LHFPL3: variants seen among roughly 807,000 people sequenced by gnomAD.
LHFPL3 encodes the protein LHFPL tetraspan subfamily member 3.
In LHFPL3, 5 loss-of-function variants were observed where a neutral mutation model predicts 19.3. The observed-to-expected ratio is 0.26, with a 90% CI of 0.14 to 0.54. The LOEUF (loss-of-function observed/expected upper bound fraction) is 0.54. Among genes scored for constraint, LHFPL3 ranks in the 20% least tolerant of loss-of-function variants. The pLI is 0.94. For synonymous variants in LHFPL3, 133 were observed against 126.2 expected, an observed-to-expected ratio of 1.05 and a Z score of -0.36; for missense variants, 249 against 307.4, an observed-to-expected ratio of 0.81 and a Z score of 1.42.
chr7:104,721,209 T>TA (rs549198911), intron 1 of LHFPL3, among the ~76,000 whole-genome samples: 56 of 152,100 alleles, frequency 3.7e-4, no homozygotes, highest in African/African-American at 1.3e-3. Context: ...TATGCAGCCA[T>TA]AAAAAAGGAT....
chr7:104,840,649 C>T (rs910690679), intron 2 of LHFPL3, among the ~76,000 whole-genome samples: 5 of 151,580 alleles, frequency 3.3e-5, no homozygotes, highest in African/African-American at 1.2e-4. Flanking sequence ...TATTGCTACC[C>T]TCCCCCCACT....
chr7:104,692,437 A>T (rs1792921866), intron 1 of LHFPL3, among the ~76,000 whole-genome samples: 1 of 152,206 alleles, frequency 6.6e-6, no homozygotes. Context: ...CCTAAGAGGA[A>T]ATAATTGTTT....
rs141372417 is a variant in LHFPL3 at position 104,546,414 on chromosome 7, C to T, written c.446-190261C>T. ...AGACTCCTTGCCAACTATTTATTAACCACACATTGTGTAGTGAAGGTTCAT... is the reference window on the plus strand; with the variant it reads ...AGACTCCTTGCCAACTATTTATTAATCACACATTGTGTAGTGAAGGTTCAT... On this transcript the variant is annotated intron_variant, in intron 1 of 2. Coordinates refer to ENST00000424859, the MANE Select transcript of LHFPL3 (RefSeq NM_199000.3). 7.0e-3 allele frequency among the ~76,000 whole-genome samples: 1,060 copies of T among 152,228 alleles called. 27 individuals are homozygous for T. Among genetic ancestry groups the T allele is most frequent in the Admixed American group, 0.047 (718 of 15,278 alleles).
chr7:104,347,723 C>G (rs1790097080), intron 1 of LHFPL3, among the ~76,000 whole-genome samples: 1 of 152,100 alleles, frequency 6.6e-6, no homozygotes, highest in Non-Finnish European at 1.5e-5. Flanking sequence ...GAAACCCCAT[C>G]TCTACTAAAA....
intron 1 of LHFPL3, among the ~76,000 whole-genome samples, chr7:104,474,510 A>C (rs887526788): frequency 4.6e-5 from 7 of 151,992 alleles, no homozygotes; most frequent in Admixed American, 3.9e-4. Flanking sequence ...TAAAAATACA[A>C]AATAAAATTA....
intron 2 of LHFPL3, among the ~76,000 whole-genome samples, chr7:104,752,967 T>G (rs1794205197): frequency 6.6e-6 from 1 of 152,218 alleles, no homozygotes; most frequent in Admixed American, 6.5e-5. Flanking sequence ...ATTGACACAT[T>G]ATTATCAACC....
At chr7:104,817,458 AAAC>A (rs1344914806) in intron 2 of LHFPL3, among the ~76,000 whole-genome samples, 1 of 152,174 alleles carries the variant, frequency 6.6e-6, no homozygotes, top group Non-Finnish European at 1.5e-5. Context: ...CCACATCTTT[AAAC>A]AACCTTCCCC....
chr7:104,676,189 A>G lies in LHFPL3; in HGVS notation c.446-60486A>G, dbSNP rs549743023. Among the ~76,000 whole-genome samples the G allele has an allele frequency of 3.3e-5, 5 of 152,334 alleles. 1 individual carries two copies. Among genetic ancestry groups the G allele is most frequent in the African/African-American group, 1.2e-4 (5 of 41,580 alleles). ...CCATTGCTTTTATGCTCACCTAGCT[A>G]TTGATGCTTATAAAATATTCTCCAT... On this transcript the variant is annotated intron_variant, in intron 1 of 2. Transcript: ENST00000424859.
chr7:104,353,658 T>C (rs1376249951), intron 1 of LHFPL3, among the ~76,000 whole-genome samples: 1 of 152,232 alleles, frequency 6.6e-6, no homozygotes, highest in African/African-American at 2.4e-5. Flanking sequence ...TAGTGCCTAA[T>C]AGGGCGGGAA....
chr7:104,336,504 A>G (rs200818434), intron 1 of LHFPL3, among the ~76,000 whole-genome samples: 1 of 30,820 alleles, frequency 3.2e-5, no homozygotes, highest in East Asian at 7.4e-3. Flanking sequence ...TTTTTTGCTT[A>G]AAAAAAAAAA....
intron 1 of LHFPL3, among the ~76,000 whole-genome samples, chr7:104,660,087 C>T (rs552891848): frequency 3.4e-4 from 51 of 152,058 alleles, no homozygotes; most frequent in Middle Eastern, 3.4e-3. Flanking sequence ...CTGCAACCTC[C>T]GCCTCCCAGG....
intron 1 of LHFPL3, among the ~76,000 whole-genome samples, chr7:104,443,400 C>T (rs1792264916): frequency 6.6e-6 from 1 of 152,154 alleles, no homozygotes; most frequent in African/African-American, 2.4e-5. Flanking sequence ...TCTGTATTCT[C>T]CTGTGAGCTC....
intron 2 of LHFPL3, among the ~76,000 whole-genome samples, chr7:104,881,715 C>T (rs1792060891): frequency 6.6e-6 from 1 of 152,146 alleles, no homozygotes; most frequent in Non-Finnish European, 1.5e-5. Flanking sequence ...GACGCACTTC[C>T]ATTTTGAAAG....
chr7:104,501,867 A>C (rs886133787), intron 1 of LHFPL3, among the ~76,000 whole-genome samples: 1 of 152,218 alleles, frequency 6.6e-6, no homozygotes, highest in East Asian at 1.9e-4. Context: ...AGCATAGCTG[A>C]TTTGGTGATT....
intron 1 of LHFPL3, among the ~76,000 whole-genome samples, chr7:104,401,917 AAT>A (rs1361182407): frequency 1.3e-5 from 2 of 152,198 alleles, no homozygotes; most frequent in Non-Finnish European, 1.5e-5. Flanking sequence ...GAACAATGGA[AAT>A]AATTCTTGAA....
At chr7:104,889,633 C>G (rs1283529503) in intron 2 of LHFPL3, among the ~76,000 whole-genome samples, 1 of 152,112 alleles carries the variant, frequency 6.6e-6, no homozygotes, top group African/African-American at 2.4e-5. Context: ...GAGCAAGACT[C>G]TGTCTCAGAA....
chr7:104,332,828 C>T (rs1244370447), intron 1 of LHFPL3, among the ~76,000 whole-genome samples: 3 of 151,854 alleles, frequency 2.0e-5, no homozygotes, highest in Admixed American at 6.6e-5. Context: ...GGATGTCATC[C>T]TGTATGTACA....
intron 1 of LHFPL3, among the ~76,000 whole-genome samples, chr7:104,682,315 C>T (rs1281630043): frequency 6.6e-6 from 1 of 152,184 alleles, no homozygotes; most frequent in Non-Finnish European, 1.5e-5. Context: ...AAGGTGTCAT[C>T]CCAGGTTTCA....
At chr7:104,524,016 A>T (rs935023643) in intron 1 of LHFPL3, among the ~76,000 whole-genome samples, 4 of 152,060 alleles carry the variant, frequency 2.6e-5, no homozygotes. Context: ...GATTTATATC[A>T]ATTAATATAA....
Sources: allele counts gnomAD v4.1 joint callset (sites outside exome capture counted in the v4.1 genomes callset), GRCh38; gene constraint gnomAD v4.1.1; transcripts MANE v1.5; gene names NCBI Gene and HGNC (gene_info 2026-07-23, HGNC 2026-07-21).